The following CCDC60 variants were observed in gnomAD, a reference collection of about 807,000 sequenced individuals.
The protein encoded by CCDC60 is coiled-coil domain containing 60.
CCDC60 carries 54 observed loss-of-function variants against 63.5 expected under a neutral mutation model. The ratio of observed to expected loss-of-function variants is 0.85; its 90% CI spans 0.68 to 1.07. The LOEUF (loss-of-function observed/expected upper bound fraction) is 1.07, where lower values mean the gene tolerates loss of function less well. CCDC60 is among the 50% of genes least tolerant of loss of function. The pLI is 0.00. For synonymous variants in CCDC60, 206 were observed against 238.8 expected (o/e 0.86, Z 1.27); for missense variants, 651 against 684.3 (o/e 0.95, Z 0.54).
chr12:119,488,210 G>T (rs1358976069), intron 4 of CCDC60, among the ~76,000 whole-genome samples: 2 of 152,140 alleles, frequency 1.3e-5, no homozygotes, highest in Non-Finnish European at 2.9e-5. Flanking sequence ...TCAGGCAAAG[G>T]ACTCATAAAT....
At chr12:119,465,065 A>C (rs1215422193) in intron 2 of CCDC60, among the ~76,000 whole-genome samples, 1 of 152,208 alleles carries the variant, frequency 6.6e-6, no homozygotes, top group East Asian at 1.9e-4. Context: ...TAATCCCAGC[A>C]CTTTGGGAGG....
At chr12:119,377,254 C>CAAAAAAAAAAAA (rs60100165) in intron 1 of CCDC60, among the ~76,000 whole-genome samples, 8 of 47,458 alleles carry the variant, frequency 1.7e-4, no homozygotes, top group Non-Finnish European at 2.6e-4. Flanking sequence ...CACTCCATCT[C>CAAAAAAAAAAAA]AAAAAAAAAA....
intron 7 of CCDC60, among the ~76,000 whole-genome samples, chr12:119,512,037 C>G (rs970869818): frequency 6.6e-6 from 1 of 152,180 alleles, no homozygotes. Flanking sequence ...TTAATGCTGA[C>G]ATTTATCACA....
chr12:119,520,946 CTG>C (rs1186085480), intron 9 of CCDC60, among the ~76,000 whole-genome samples: 4 of 152,166 alleles, frequency 2.6e-5, no homozygotes, highest in Non-Finnish European at 4.4e-5. Flanking sequence ...TCATGGATCT[CTG>C]TGTCTGGGCT....
At chr12:119,514,913 G>T (rs992444924) in intron 7 of CCDC60, among the ~76,000 whole-genome samples, 7 of 152,080 alleles carry the variant, frequency 4.6e-5, no homozygotes, top group Non-Finnish European at 8.8e-5. Context: ...TACCTTTTCT[G>T]TTATCCCTAG....
chr12:119,479,021 C>A, intron 3 of CCDC60, 73 bp from the exon 4 acceptor site: 3 of 1,013,522 alleles, frequency 3.0e-6, no homozygotes, highest in East Asian at 2.4e-5. Flanking sequence ...CCGAATAGAC[C>A]GTGGCAAGAG....
chr12:119,338,422 C>T (rs1955496265), intron 1 of CCDC60, among the ~76,000 whole-genome samples: 1 of 152,146 alleles, frequency 6.6e-6, no homozygotes, highest in South Asian at 2.1e-4. Flanking sequence ...GAACCTTCTA[C>T]AATCCTTCAA....
intron 1 of CCDC60, among the ~76,000 whole-genome samples, chr12:119,350,752 G>A (rs1261472591): frequency 6.6e-6 from 1 of 152,074 alleles, no homozygotes; most frequent in South Asian, 2.1e-4. Context: ...TACCAGCTGT[G>A]CACTCCCCTC....
chr12:119,380,514 C>T (rs1955997493), intron 1 of CCDC60, among the ~76,000 whole-genome samples: 1 of 152,232 alleles, frequency 6.6e-6, no homozygotes, highest in Non-Finnish European at 1.5e-5. Context: ...TCTTCTCTTA[C>T]CCAACCCCAG....
At chr12:119,397,534 T>C (rs985824639) in intron 1 of CCDC60, among the ~76,000 whole-genome samples, 3 of 151,544 alleles carry the variant, frequency 2.0e-5, no homozygotes, top group Non-Finnish European at 2.9e-5. Context: ...AGAGAGCTGA[T>C]TGGTGCATCC....
chr12:119,387,207 C>T (rs754254658), intron 1 of CCDC60, among the ~76,000 whole-genome samples: 1 of 152,002 alleles, frequency 6.6e-6, no homozygotes, highest in African/African-American at 2.4e-5. Context: ...GAACTCTGCC[C>T]GAGTAATTGT....
chr12:119,540,626 C>T lies in CCDC60; in HGVS notation c.1564C>T (p.His522Tyr). ...GTCTGCCTCACAGTTTGTGCGAGAA[C>T]ACATCATCCATATGCCTCAAGAGGA... ...IAVAIEFVREHIIHMPQEDYI... is the reference protein window; with the variant it reads ...IAVAIEFVREYIIHMPQEDYI... The change falls in exon 14 of 14, where the codon CAC becomes TAC. Residue 522 changes from histidine (H) to tyrosine (Y), a missense_variant. His to Tyr is a moderately conservative substitution (Grantham distance 83). Transcript: ENST00000327554. 1.2e-6 allele frequency: 2 copies of T among 1,613,638 alleles called. No homozygotes were observed. Among genetic ancestry groups the T allele is most frequent in the Non-Finnish European group, 1.7e-6 (2 of 1,179,748 alleles).
At chr12:119,436,540 A>C (rs1318585454) in intron 2 of CCDC60, among the ~76,000 whole-genome samples, 1 of 77,982 alleles carries the variant, frequency 1.3e-5, no homozygotes, top group Non-Finnish European at 2.5e-5. Flanking sequence ...TGATGCCAAT[A>C]CTTTTTTTTT....
At chr12:119,531,093 G>GAA (rs778824097) in intron 13 of CCDC60, 30 bp downstream of exon 13, 1 of 1,588,016 alleles carries the variant, frequency 6.3e-7, no homozygotes, top group Non-Finnish European at 8.6e-7. Flanking sequence ...CCTCCACAGT[G>GAA]TTTCAGGTGT....
chr12:119,508,590 T>C (rs1255887324), intron 7 of CCDC60, among the ~76,000 whole-genome samples: 3 of 152,098 alleles, frequency 2.0e-5, no homozygotes, highest in Admixed American at 2.0e-4. Context: ...GGCATGGAGC[T>C]AAATTAGCAA....
At chr12:119,535,929 G>A (rs1952991087) in intron 13 of CCDC60, among the ~76,000 whole-genome samples, 1 of 152,260 alleles carries the variant, frequency 6.6e-6, no homozygotes, top group African/African-American at 2.4e-5. Flanking sequence ...TGTCTATTAG[G>A]TCTGCTTGGT....
chr12:119,440,336 C>T (rs1473562021), intron 2 of CCDC60, among the ~76,000 whole-genome samples: 1 of 152,110 alleles, frequency 6.6e-6, no homozygotes, highest in Non-Finnish European at 1.5e-5. Context: ...CAAGACCATC[C>T]TGCCTAACAC....
intron 1 of CCDC60, among the ~76,000 whole-genome samples, chr12:119,423,082 G>A (rs951335013): frequency 6.6e-6 from 1 of 152,134 alleles, no homozygotes; most frequent in Non-Finnish European, 1.5e-5. Flanking sequence ...AAGTAGAGCA[G>A]GTAAGTTTTG....
At chr12:119,337,512 G>A (rs528857710) in intron 1 of CCDC60, among the ~76,000 whole-genome samples, 4 of 152,284 alleles carry the variant, frequency 2.6e-5, no homozygotes, top group Admixed American at 2.6e-4. Flanking sequence ...GTTAACGTAC[G>A]CCAAAAGCTA....
Sources: gnomAD v4.1 joint callset for allele counts (sites outside exome capture counted in the v4.1 genomes callset) on GRCh38, gnomAD v4.1.1 for gene constraint, MANE v1.5 for transcripts, NCBI Gene and HGNC (gene_info 2026-07-23, HGNC 2026-07-21) for gene names.